The following RAB3D variants were observed in gnomAD, a reference collection of about 807,000 sequenced individuals.
The protein encoded by RAB3D is ras-related protein Rab-3D.
A neutral mutation model predicts 19.3 loss-of-function variants in RAB3D; 17 were observed. The observed-to-expected ratio is 0.88, with a 90% CI of 0.60 to 1.32. The LOEUF is 1.32. RAB3D is among the 40% of genes most tolerant of loss of function. RAB3D has a pLI of 0.00. For synonymous variants in RAB3D, 103 were observed against 119.9 expected, an observed-to-expected ratio of 0.86 and a Z score of 0.92; for missense variants, 223 against 299.1, an observed-to-expected ratio of 0.75 and a Z score of 1.88.
chr19:11,333,904 C>T (rs1046265610), intron 4 of RAB3D, among the ~76,000 whole-genome samples: 3 of 151,582 alleles, frequency 2.0e-5, no homozygotes, highest in Admixed American at 2.0e-4. Context: ...CCATGTTGGC[C>T]AGGCTGGTCT....
At chr19:11,337,036 G>T (rs1966901589) in intron 2 of RAB3D, 136 bp downstream of exon 2, 1 of 699,760 alleles carries the variant, frequency 1.4e-6, no homozygotes, top group African/African-American at 1.8e-5. Flanking sequence ...GGAGGTTGCA[G>T]TGAGCCGAGA....
intron 4 of RAB3D, among the ~76,000 whole-genome samples, chr19:11,332,810 G>C (rs1010355811): frequency 6.6e-6 from 1 of 151,748 alleles, no homozygotes; most frequent in African/African-American, 2.4e-5. Flanking sequence ...AGTGTAGGCC[G>C]GGACTATAAA....
At chr19:11,326,219 T>TAA (rs57893701) in intron 4 of RAB3D, among the ~76,000 whole-genome samples, 12,012 of 142,022 alleles carry the variant, frequency 0.085, 967 homozygotes, top group African/African-American at 0.22. Flanking sequence ...GAGATTCTAT[T>TAA]AAAAAAAAAA....
chr19:11,337,962 C>T (rs1966912599), intron 1 of RAB3D, among the ~76,000 whole-genome samples: 1 of 152,084 alleles, frequency 6.6e-6, no homozygotes, highest in South Asian at 2.1e-4. Flanking sequence ...CATGAGCCAC[C>T]ACGCCCGACC....
chr19:11,331,696 T>C (rs1413994527), intron 4 of RAB3D, among the ~76,000 whole-genome samples: 2 of 151,718 alleles, frequency 1.3e-5, no homozygotes, highest in Non-Finnish European at 2.9e-5. Context: ...CTCACTATGT[T>C]GCCCAGGCTG....
chr19:11,325,631 AG>A (rs772261720), intron 4 of RAB3D, 46 bp from the exon 5 acceptor site: 1 of 1,244,330 alleles, frequency 8.0e-7, no homozygotes, highest in Admixed American at 1.9e-5. Flanking sequence ...CCCTGAGGGC[AG>A]AGTCTCAGCT....
intron 4 of RAB3D, chr19:11,326,765 G>T: frequency 1.4e-6 from 1 of 696,294 alleles, no homozygotes; most frequent in South Asian, 1.5e-5. Flanking sequence ...CACCATGCCC[G>T]GCTAATTTTT....
intron 4 of RAB3D, among the ~76,000 whole-genome samples, chr19:11,329,612 A>G (rs1056025883): frequency 2.0e-5 from 3 of 152,134 alleles, no homozygotes; most frequent in African/African-American, 7.2e-5. Context: ...CATCTCAAAA[A>G]AAAAAATAAA....
intron 4 of RAB3D, 150 bp downstream of exon 4, chr19:11,335,297 G>A (rs548139292): frequency 2.7e-5 from 31 of 1,163,364 alleles, no homozygotes; most frequent in African/African-American, 2.1e-4. Flanking sequence ...TGGATCCCCT[G>A]CAATTAGACG....
At chr19:11,325,720 C>T in intron 4 of RAB3D, 135 bp from the exon 5 acceptor site, 2 of 736,684 alleles carry the variant, frequency 2.7e-6, no homozygotes, top group Non-Finnish European at 4.4e-6. Context: ...TGTGCCTTTG[C>T]CACTCCAAGC....
chr19:11,331,556 T>C (rs1488048322), intron 4 of RAB3D, among the ~76,000 whole-genome samples: 2 of 151,714 alleles, frequency 1.3e-5, no homozygotes, highest in Non-Finnish European at 2.9e-5. Context: ...AAAATAAAAA[T>C]AAAAAATTAG....
intron 1 of RAB3D, 140 bp from the exon 2 acceptor site, chr19:11,337,600 A>C: frequency 1.8e-6 from 1 of 556,514 alleles, no homozygotes; most frequent in Non-Finnish European, 3.2e-6. Context: ...TCTTCTAAAA[A>C]ATGGGATGTT....
intron 2 of RAB3D, 75 bp downstream of exon 2, chr19:11,337,093 CAAAA>C (rs893185437): frequency 2.0e-5 from 21 of 1,034,554 alleles, no homozygotes; most frequent in Admixed American, 2.4e-5. Context: ...GACTCCGTCT[CAAAA>C]AAAAAAAAAG....
chr19:11,335,354 G>A lies in RAB3D; in HGVS notation c.472+93C>T, dbSNP rs554718472. 16 of 1,539,502 alleles carry A rather than the reference G, an allele frequency of 1.0e-5. No individual in the cohort carries two copies. In the East Asian group the frequency reaches 3.4e-4, roughly 33 times the overall value. ...GTATCTTCCTGGGCAGATCCTCAAA[G>A]GATCAGTGACTGGGTTGGACCCTGA... On this transcript the variant is annotated intron_variant, in intron 4 of 4. Transcript: ENST00000222120.
chr19:11,336,517 C>G (rs1966896674), intron 2 of RAB3D, among the ~76,000 whole-genome samples: 1 of 151,882 alleles, frequency 6.6e-6, no homozygotes, highest in African/African-American at 2.4e-5. Context: ...GCTATGTTGT[C>G]CAGGCTGGTC....
intron 4 of RAB3D, among the ~76,000 whole-genome samples, chr19:11,330,672 C>G (rs1253868298): frequency 1.3e-5 from 2 of 152,114 alleles, no homozygotes; most frequent in Non-Finnish European, 2.9e-5. Context: ...GCCTCAGCCT[C>G]CTGAGTAGCT....
intron 4 of RAB3D, among the ~76,000 whole-genome samples, chr19:11,330,773 A>G (rs1217030853): frequency 2.0e-5 from 3 of 152,030 alleles, no homozygotes; most frequent in Admixed American, 2.0e-4. Context: ...GGTGGTCTCA[A>G]GCTTCTGACC....
intron 2 of RAB3D, among the ~76,000 whole-genome samples, chr19:11,336,856 G>A (rs1431201473): frequency 2.0e-5 from 3 of 151,680 alleles, no homozygotes; most frequent in Admixed American, 6.6e-5. Context: ...TGTAATCCCA[G>A]CTACTCGGGA....
chr19:11,335,880 T>C, intron 2 of RAB3D, 97 bp from the exon 3 acceptor site: 2 of 1,124,676 alleles, frequency 1.8e-6, no homozygotes, highest in Non-Finnish European at 2.7e-6. Context: ...GCCCCAGCCT[T>C]ACGGGGGAGA....
Sources: gnomAD v4.1 joint callset for allele counts (sites outside exome capture counted in the v4.1 genomes callset) on GRCh38, gnomAD v4.1.1 for gene constraint, MANE v1.5 for transcripts, NCBI Gene and HGNC (gene_info 2026-07-23, HGNC 2026-07-21) for gene names.